Variants in CHEK2 observed in about 807,000 individuals in gnomAD.
CHEK2 encodes serine/threonine-protein kinase Chk2.
A neutral mutation model predicts 69.1 loss-of-function variants in CHEK2; 71 were observed. That is an observed-to-expected ratio of 1.03 (90% CI 0.85 to 1.25). The LOEUF (loss-of-function observed/expected upper bound fraction) is 1.25, where lower values mean the gene tolerates loss of function less well. Ranked by LOEUF, CHEK2 falls within the 50% of genes most tolerant of loss-of-function variation. The pLI is 0.00. For synonymous variants in CHEK2, 189 were observed against 226.9 expected (o/e 0.83, Z 1.50); for missense variants, 664 against 649.6 (o/e 1.02, Z -0.24).
intron 5 of CHEK2, among the ~76,000 whole-genome samples, chr22:28,713,900 C>T (rs1185044843): frequency 2.0e-5 from 3 of 151,774 alleles, no homozygotes; most frequent in Non-Finnish European, 2.9e-5. Context: ...AGGCTGGTCT[C>T]GAACTCCTGA....
At chr22:28,719,282 C>T in intron 5 of CHEK2, 113 bp downstream of exon 5, 2 of 559,450 alleles carry the variant, frequency 3.6e-6, no homozygotes, top group South Asian at 2.7e-5. Context: ...CAAATAGATA[C>T]CATACAAATG....
intron 6 of CHEK2, among the ~76,000 whole-genome samples, chr22:28,711,705 A>C (rs1052961646): frequency 2.0e-5 from 3 of 152,174 alleles, no homozygotes; most frequent in Non-Finnish European, 4.4e-5. Flanking sequence ...ACAATTAAAT[A>C]CTTTTGGAAC....
chr22:28,726,598 ATATG>A (rs1036106482), intron 2 of CHEK2, among the ~76,000 whole-genome samples: 3 of 146,626 alleles, frequency 2.0e-5, no homozygotes, highest in African/African-American at 7.5e-5. Context: ...ATCTATTAAT[ATATG>A]TATTTATATA....
chr22:28,707,775 TTA>T (rs199865252), intron 7 of CHEK2, among the ~76,000 whole-genome samples: 1,524 of 152,192 alleles, frequency 0.01, 21 homozygotes, highest in African/African-American at 0.035. Flanking sequence ...TGTACAAATG[TTA>T]TGTTTGAAGA....
At position 28,734,838 on chromosome 22, in the gene CHEK2, A is replaced by C. The variant is rs2054348092; in HGVS notation, c.-6-111T>G. 8.7e-5 allele frequency: 76 copies of C among 868,604 alleles called. No homozygotes were observed. The South Asian group carries it at 1.2e-3, about 14-fold the overall frequency. The allele number at this position is 868,604 out of a possible 1,614,324, so 53.8% of individuals were successfully genotyped here. A position where few individuals can be genotyped will look rare whatever the true frequency, so the allele number is the denominator to read the frequency against. ...AGCAAAAGAAAAGAAAAAAAAAAAAACAGGGCAAACATGCTCTCCAAAAAT... is the reference window on the plus strand; with the variant it reads ...AGCAAAAGAAAAGAAAAAAAAAAAACCAGGGCAAACATGCTCTCCAAAAAT... On this transcript the variant is annotated intron_variant, in intron 1 of 14. Coordinates refer to ENST00000404276, the MANE Select transcript of CHEK2 (RefSeq NM_007194.4).
intron 7 of CHEK2, among the ~76,000 whole-genome samples, chr22:28,709,430 T>C (rs1201115643): frequency 2.0e-5 from 3 of 152,186 alleles, no homozygotes; most frequent in Admixed American, 1.3e-4. Context: ...GCTATATGTT[T>C]TGGTCAAGAA....
intron 1 of CHEK2, among the ~76,000 whole-genome samples, chr22:28,737,091 G>A (rs2054433211): frequency 6.6e-6 from 1 of 152,122 alleles, no homozygotes; most frequent in South Asian, 2.1e-4. Context: ...TACTACTCTA[G>A]GAGAACATAG....
At chr22:28,727,408 T>C (rs558720882) in intron 2 of CHEK2, among the ~76,000 whole-genome samples, 1 of 152,294 alleles carries the variant, frequency 6.6e-6, no homozygotes, top group Middle Eastern at 3.4e-3. Flanking sequence ...TTATATCTTT[T>C]TGGGTATGGG....
chr22:28,707,836 T>TC (rs2053209631), intron 7 of CHEK2, among the ~76,000 whole-genome samples: 1 of 143,530 alleles, frequency 7.0e-6, no homozygotes, highest in African/African-American at 2.6e-5. Flanking sequence ...TTATCTTTTT[T>TC]TTTTTTTTTT....
chr22:28,705,535 G>A (rs1194958439), intron 7 of CHEK2, among the ~76,000 whole-genome samples: 2 of 152,164 alleles, frequency 1.3e-5, no homozygotes, highest in Admixed American at 6.5e-5. Context: ...GGTCCCAGGC[G>A]TTTTGGATAA....
intron 4 of CHEK2, among the ~76,000 whole-genome samples, chr22:28,721,281 GT>G (rs755378917): frequency 6.0e-3 from 661 of 109,928 alleles, no homozygotes; most frequent in African/African-American, 0.016. Flanking sequence ...GTTTGTTTGG[GT>G]TTTTTTTTTT....
chr22:28,716,368 T>C (rs1006716324), intron 5 of CHEK2, among the ~76,000 whole-genome samples: 1 of 151,918 alleles, frequency 6.6e-6, no homozygotes, highest in Admixed American at 6.6e-5. Flanking sequence ...GGCTAATTTT[T>C]ATATTTTTAG....
At chr22:28,721,600 T>C (rs2053786580) in intron 4 of CHEK2, 1 of 460,768 alleles carries the variant, frequency 2.2e-6, no homozygotes, top group Admixed American at 2.5e-5. Context: ...TTTTTGAAAA[T>C]CAGCTGAGAG....
At chr22:28,703,109 T>C (rs1411061662) in intron 8 of CHEK2, among the ~76,000 whole-genome samples, 1 of 152,212 alleles carries the variant, frequency 6.6e-6, no homozygotes, top group Admixed American at 6.5e-5. Flanking sequence ...ATGTGCCAGG[T>C]GCTCTGCTGG....
intron 5 of CHEK2, among the ~76,000 whole-genome samples, chr22:28,716,572 G>A (rs566812877): frequency 6.6e-6 from 1 of 152,182 alleles, no homozygotes; most frequent in Non-Finnish European, 1.5e-5. Context: ...ATCAGTTACT[G>A]AATTCAGTAT....
intron 4 of CHEK2, among the ~76,000 whole-genome samples, chr22:28,721,236 TG>T (rs2053763168): frequency 6.6e-6 from 1 of 152,154 alleles, no homozygotes; most frequent in East Asian, 1.9e-4. Flanking sequence ...ACATGGTGAT[TG>T]TAGTTAACAA....
intron 5 of CHEK2, 156 bp from the exon 6 acceptor site, chr22:28,712,173 T>C (rs886181405): frequency 4.5e-6 from 3 of 669,592 alleles, no homozygotes; most frequent in African/African-American, 3.6e-5. Context: ...ACTTCACCAG[T>C]GTAAAATGTC....
chr22:28,739,317 G>A (rs998930770), intron 1 of CHEK2, among the ~76,000 whole-genome samples: 3 of 152,070 alleles, frequency 2.0e-5, no homozygotes, highest in African/African-American at 4.8e-5. Flanking sequence ...GACATTTCTC[G>A]AAAGAAGACA....
intron 4 of CHEK2, chr22:28,721,712 A>G (rs2053791861): frequency 2.4e-6 from 1 of 413,848 alleles, no homozygotes; most frequent in South Asian, 1.8e-5. Context: ...ACATATTTGA[A>G]AACATGTTGT....
Sources: allele counts gnomAD v4.1 joint callset (sites outside exome capture counted in the v4.1 genomes callset), GRCh38; gene constraint gnomAD v4.1.1; transcripts MANE v1.5; gene names NCBI Gene and HGNC (gene_info 2026-07-23, HGNC 2026-07-21).